The following PDE4B variants were observed in gnomAD, a reference collection of about 807,000 sequenced individuals.
PDE4B encodes the protein 3',5'-cyclic-AMP phosphodiesterase 4B.
PDE4B carries 20 observed loss-of-function variants against 82.2 expected under a neutral mutation model. That is an observed-to-expected ratio of 0.24 (90% CI 0.17 to 0.35). The LOEUF is 0.35. PDE4B is among the 10% of genes least tolerant of loss of function. PDE4B has a pLI of 1.00. For missense variants in PDE4B, 655 were observed against 907.2 expected (o/e 0.72, Z 3.57); for synonymous variants, 320 against 318.9 (o/e 1.00, Z -0.04).
chr1:66,111,882 CATT>C (rs1300819260), intron 3 of PDE4B, among the ~76,000 whole-genome samples: 2 of 152,080 alleles, frequency 1.3e-5, no homozygotes, highest in Non-Finnish European at 2.9e-5. Flanking sequence ...TCACTATAAT[CATT>C]GTTTCTTAAT....
chr1:66,107,584 C>T (rs1645393413), intron 3 of PDE4B, among the ~76,000 whole-genome samples: 1 of 151,550 alleles, frequency 6.6e-6, no homozygotes, highest in South Asian at 2.1e-4. Flanking sequence ...ACCAAAAATA[C>T]TTTTTATTTG....
At chr1:66,127,437 T>C (rs1645846460) in intron 3 of PDE4B, among the ~76,000 whole-genome samples, 2 of 152,212 alleles carry the variant, frequency 1.3e-5, no homozygotes, top group Admixed American at 1.3e-4. Context: ...ATCCAAATCA[T>C]TGTGTTAAAG....
chr1:66,010,238 G>C (rs1652407207), intron 3 of PDE4B, among the ~76,000 whole-genome samples: 2 of 151,680 alleles, frequency 1.3e-5, no homozygotes, highest in Non-Finnish European at 2.9e-5. Context: ...AATATTATGT[G>C]ATAAATAAAA....
At chr1:66,201,393 A>G (rs376641926) in intron 3 of PDE4B, among the ~76,000 whole-genome samples, 8 of 150,790 alleles carry the variant, frequency 5.3e-5, no homozygotes, top group Non-Finnish European at 1.0e-4. Flanking sequence ...CTCTTTTTCT[A>G]TTGATTGGAA....
chr1:66,213,127 T>G (rs528964990), intron 3 of PDE4B, among the ~76,000 whole-genome samples: 4 of 152,320 alleles, frequency 2.6e-5, no homozygotes, highest in African/African-American at 7.2e-5. Flanking sequence ...TATTTCTTTA[T>G]GTGTCATTAA....
intron 3 of PDE4B, among the ~76,000 whole-genome samples, chr1:66,144,518 G>A (rs1646232532): frequency 1.3e-5 from 2 of 152,146 alleles, no homozygotes. Context: ...TACAAATTGA[G>A]CATCCCTAAT....
chr1:66,360,353 C>T (rs1227908761), intron 9 of PDE4B: 1 of 152,092 alleles, frequency 6.6e-6, no homozygotes, highest in African/African-American at 2.4e-5. Flanking sequence ...ACTGTGCTTG[C>T]TTTGCTCTGA....
In PDE4B at chr1:65,967,811, T is replaced by G. The variant is rs908496275; in HGVS notation, c.281+48976T>G. Among the ~76,000 whole-genome samples, 10 of 151,380 alleles carry G rather than the reference T, an allele frequency of 6.6e-5. No homozygotes were observed. The East Asian group carries it at 1.9e-3, about 30-fold the overall frequency. ...GCATGTTCTCACTCATAAGTGGGAG[T>G]TGAACGATGAAAACACATGGACACA... On this transcript the variant is annotated intron_variant, in intron 3 of 16. Coordinates refer to ENST00000341517, the MANE Select transcript of PDE4B (RefSeq NM_002600.4).
At chr1:66,166,470 T>C (rs1372648363) in intron 3 of PDE4B, among the ~76,000 whole-genome samples, 1 of 152,144 alleles carries the variant, frequency 6.6e-6, no homozygotes, top group Non-Finnish European at 1.5e-5. Flanking sequence ...GCGGGTTGGC[T>C]CACACCTGCA....
chr1:66,196,899 T>C (rs866029807), intron 3 of PDE4B, among the ~76,000 whole-genome samples: 1 of 151,910 alleles, frequency 6.6e-6, no homozygotes, highest in African/African-American at 2.4e-5. Flanking sequence ...GCATGGCACA[T>C]GTATACATAT....
intron 3 of PDE4B, among the ~76,000 whole-genome samples, chr1:66,180,400 A>G (rs1647038013): frequency 1.3e-5 from 2 of 152,174 alleles, no homozygotes; most frequent in Non-Finnish European, 2.9e-5. Context: ...TAAGGAACAG[A>G]GTTTTTTCAT....
At chr1:66,261,632 T>G (rs903216365) in intron 6 of PDE4B, among the ~76,000 whole-genome samples, 2 of 152,228 alleles carry the variant, frequency 1.3e-5, no homozygotes, top group African/African-American at 2.4e-5. Flanking sequence ...ATCTTTTGGC[T>G]CTTTGCTGTG....
In PDE4B at chr1:65,838,557, A is replaced by G. The variant is rs535339618; in HGVS notation, c.-71+45309A>G. Among the ~76,000 whole-genome samples the G allele has an allele frequency of 1.7e-3, 247 of 147,782 alleles. 2 individuals carry two copies. Among genetic ancestry groups the G allele is most frequent in the African/African-American group, 5.9e-3 (239 of 40,476 alleles). On this transcript the variant is annotated intron_variant, in intron 1 of 16. Transcript: ENST00000341517. ...TATGTATGTGTATATATGTATATAT[A>G]TGTATATGTATATATGTATATGTGT... is the stretch of plus-strand genomic sequence containing the variant.
chr1:65,855,078 G>T (rs1377963450), intron 1 of PDE4B, among the ~76,000 whole-genome samples: 1 of 150,910 alleles, frequency 6.6e-6, no homozygotes, highest in Non-Finnish European at 1.5e-5. Flanking sequence ...TCTCTCTCAT[G>T]TGTAAATTTT....
At chr1:65,952,848 G>A (rs1374332133) in intron 3 of PDE4B, among the ~76,000 whole-genome samples, 1 of 152,096 alleles carries the variant, frequency 6.6e-6, no homozygotes, top group Admixed American at 6.6e-5. Context: ...TGGAAATTAA[G>A]TGAGTTGGTG....
intron 8 of PDE4B, among the ~76,000 whole-genome samples, chr1:66,352,800 G>A (rs552665950): frequency 3.9e-5 from 6 of 152,146 alleles, no homozygotes; most frequent in African/African-American, 1.2e-4. Context: ...CGTGAAAAAA[G>A]GGCATTATTG....
At chr1:65,853,211 C>T (rs1646350509) in intron 1 of PDE4B, among the ~76,000 whole-genome samples, 1 of 151,936 alleles carries the variant, frequency 6.6e-6, no homozygotes, top group African/African-American at 2.4e-5. Flanking sequence ...CTTATGATTA[C>T]AATTTTTGTG....
intron 3 of PDE4B, among the ~76,000 whole-genome samples, chr1:65,934,250 A>T (rs781262511): frequency 1.9e-4 from 29 of 152,168 alleles, no homozygotes; most frequent in Non-Finnish European, 4.1e-4. Flanking sequence ...GGAGCTTGAG[A>T]TCAGCCTAGA....
At chr1:65,815,912 G>A (rs78494072) in intron 1 of PDE4B, among the ~76,000 whole-genome samples, 2,720 of 152,216 alleles carry the variant, frequency 0.018, 44 homozygotes, top group Non-Finnish European at 0.025. Context: ...TTCAGCTACA[G>A]TACCTTGTTC....
Sources: allele counts gnomAD v4.1 joint callset (sites outside exome capture counted in the v4.1 genomes callset), GRCh38; gene constraint gnomAD v4.1.1; transcripts MANE v1.5; gene names NCBI Gene and HGNC (gene_info 2026-07-23, HGNC 2026-07-21).